Variants in ARHGAP24 observed in about 807,000 individuals in gnomAD.
The protein encoded by ARHGAP24 is Rho GTPase activating protein 24.
In ARHGAP24, 50 loss-of-function variants were observed where a neutral mutation model predicts 76.4. The observed-to-expected ratio is 0.65, with a 90% CI of 0.52 to 0.83. The LOEUF (loss-of-function observed/expected upper bound fraction) is 0.83, where lower values mean the gene tolerates loss of function less well. Among genes scored for constraint, ARHGAP24 ranks in the 40% least tolerant of loss-of-function variants. The pLI, the probability that ARHGAP24 is intolerant of heterozygous loss-of-function variation, is 0.00. For synonymous variants in ARHGAP24, 345 were observed against 323.3 expected, an observed-to-expected ratio of 1.07 and a Z score of -0.72; for missense variants, 930 against 914.2, an observed-to-expected ratio of 1.02 and a Z score of -0.22.
At chr4:85,688,768 G>T (rs1478913184) in intron 2 of ARHGAP24, among the ~76,000 whole-genome samples, 2 of 152,160 alleles carry the variant, frequency 1.3e-5, no homozygotes, top group African/African-American at 2.4e-5. Context: ...TGAAAGGAAG[G>T]GGTCCAGTTT....
At chr4:85,958,648 T>C (rs1360649600) in intron 5 of ARHGAP24, among the ~76,000 whole-genome samples, 4 of 152,212 alleles carry the variant, frequency 2.6e-5, no homozygotes, top group African/African-American at 7.2e-5. Context: ...TCCCTTAAAG[T>C]CATGTTTTTG....
chr4:85,700,403 A>T lies in ARHGAP24; in HGVS notation c.181-21482A>T, dbSNP rs531554688. 5.2e-3 allele frequency among the ~76,000 whole-genome samples: 445 copies of T among 84,992 alleles called. 8 individuals are homozygous for T. The highest frequency in any genetic ancestry group is 0.012 in the African/African-American group (429 of 35,026). The allele number at this position is 84,992 out of a possible 152,430, so 55.8% of individuals were successfully genotyped here. On this transcript the variant is annotated intron_variant, in intron 2 of 9. Transcript: ENST00000395184. ...AGAGTGAGATTCTGTCTAAAAAAAA[A>T]AAAATAAATAAATAAAGAAGAAGAA...
intron 1 of ARHGAP24, among the ~76,000 whole-genome samples, chr4:85,542,152 T>C (rs1002246366): frequency 6.6e-6 from 1 of 152,190 alleles, no homozygotes; most frequent in African/African-American, 2.4e-5. Context: ...TGGGGTGCAG[T>C]CCACTCTCCT....
intron 1 of ARHGAP24, among the ~76,000 whole-genome samples, chr4:85,510,730 T>C (rs1178419118): frequency 6.6e-6 from 1 of 151,418 alleles, no homozygotes; most frequent in African/African-American, 2.4e-5. Flanking sequence ...TTTATTTCCT[T>C]GTCACCTTCA....
chr4:85,569,589 C>T lies in ARHGAP24; in HGVS notation c.-20-933C>T, dbSNP rs181976366. On this transcript the variant is annotated intron_variant, in intron 1 of 9. Coordinates refer to ENST00000395184, the MANE Select transcript of ARHGAP24 (RefSeq NM_001025616.3). ...TCACACATAACCTTAAAATATTCCT[C>T]ATCATGTCATGACTGGTGCACACCA... Among the ~76,000 whole-genome samples, 151 of 152,300 alleles carry T rather than the reference C, an allele frequency of 9.9e-4. 2 individuals are homozygous for T. Among genetic ancestry groups the T allele is most frequent in the African/African-American group, 2.6e-3 (110 of 41,564 alleles).
chr4:85,968,547 G>A (rs946781495), intron 5 of ARHGAP24, among the ~76,000 whole-genome samples: 1 of 152,120 alleles, frequency 6.6e-6, no homozygotes, highest in African/African-American at 2.4e-5. Context: ...AGGCTAGAGA[G>A]TATGATTGAC....
intron 3 of ARHGAP24, among the ~76,000 whole-genome samples, chr4:85,848,332 C>T (rs1358573730): frequency 3.3e-5 from 5 of 152,126 alleles, no homozygotes; most frequent in African/African-American, 9.7e-5. Flanking sequence ...ATCCCTCTCC[C>T]ATCCCCCTAC....
At chr4:85,743,392 C>CAAAAAAAAAAAAAAAA (rs774717006) in intron 3 of ARHGAP24, among the ~76,000 whole-genome samples, 2 of 43,380 alleles carry the variant, frequency 4.6e-5, no homozygotes, top group African/African-American at 8.5e-5. Context: ...GATCCCATCT[C>CAAAAAAAAAAAAAAAA]AAAAAAAAAA....
At chr4:85,840,886 G>C (rs953310036) in intron 3 of ARHGAP24, among the ~76,000 whole-genome samples, 76 of 152,340 alleles carry the variant, frequency 5.0e-4, no homozygotes, top group African/African-American at 1.8e-3. Flanking sequence ...TAATTTATCA[G>C]ACGTGAAACT....
intron 1 of ARHGAP24, among the ~76,000 whole-genome samples, chr4:85,565,857 G>A (rs1223650024): frequency 2.6e-5 from 4 of 152,110 alleles, no homozygotes; most frequent in Non-Finnish European, 4.4e-5. Flanking sequence ...AAATATCTAT[G>A]TGTGTATGGT....
chr4:85,992,637 A>G (rs1325033040), intron 8 of ARHGAP24, among the ~76,000 whole-genome samples: 1 of 152,218 alleles, frequency 6.6e-6, no homozygotes, highest in Non-Finnish European at 1.5e-5. Flanking sequence ...ATAGTAAAAT[A>G]GCATTGAATA....
intron 2 of ARHGAP24, among the ~76,000 whole-genome samples, chr4:85,718,425 A>G (rs922938267): frequency 2.0e-5 from 3 of 152,200 alleles, no homozygotes; most frequent in African/African-American, 2.4e-5. Flanking sequence ...GAGAATTTAT[A>G]TGGTGTTAAC....
At chr4:85,638,543 A>G (rs187064359) in intron 2 of ARHGAP24, among the ~76,000 whole-genome samples, 214 of 152,262 alleles carry the variant, frequency 1.4e-3, no homozygotes, top group African/African-American at 5.1e-3. Flanking sequence ...GTCCATTGTA[A>G]TAACACAGGA....
At chr4:85,816,435 C>A (rs10029846) in intron 3 of ARHGAP24, among the ~76,000 whole-genome samples, 3 of 151,938 alleles carry the variant, frequency 2.0e-5, no homozygotes, top group African/African-American at 7.3e-5. Flanking sequence ...TAGCATAATG[C>A]CCCCAAGTTT....
chr4:85,869,908 A>C (rs574737420), intron 3 of ARHGAP24, among the ~76,000 whole-genome samples: 1 of 152,274 alleles, frequency 6.6e-6, no homozygotes, highest in East Asian at 1.9e-4. Flanking sequence ...AGCTTGGGCT[A>C]TGCATCCACA....
intron 3 of ARHGAP24, among the ~76,000 whole-genome samples, chr4:85,769,976 T>A (rs1727074191): frequency 6.6e-6 from 1 of 152,232 alleles, no homozygotes; most frequent in African/African-American, 2.4e-5. Flanking sequence ...TACTTATGTA[T>A]ATTGCTTTCC....
rs115851912 is a variant in ARHGAP24 at position 85,646,064 on chromosome 4, A to T, written c.180+75343A>T. On this transcript the variant is annotated intron_variant, in intron 2 of 9. Coordinates refer to ENST00000395184, the MANE Select transcript of ARHGAP24 (RefSeq NM_001025616.3). ...GTTGAAAATTTAACTACAAAATAACAAGAGTAAGTGTTTGTATATGTTATT... is the reference window on the plus strand; with the variant it reads ...GTTGAAAATTTAACTACAAAATAACTAGAGTAAGTGTTTGTATATGTTATT... Among the ~76,000 whole-genome samples the T allele has an allele frequency of 8.2e-4, 125 of 152,200 alleles. 1 individual carries two copies. The highest frequency in any genetic ancestry group is 2.5e-3 in the South Asian group (12 of 4,830).
At chr4:85,713,473 A>AT (rs1015778094) in intron 2 of ARHGAP24, among the ~76,000 whole-genome samples, 30 of 152,054 alleles carry the variant, frequency 2.0e-4, no homozygotes, top group African/African-American at 6.5e-4. Flanking sequence ...TAACAGTTTC[A>AT]TTTTTTTCTA....
At chr4:85,543,074 C>A (rs1010409521) in intron 1 of ARHGAP24, among the ~76,000 whole-genome samples, 1 of 152,038 alleles carries the variant, frequency 6.6e-6, no homozygotes, top group Non-Finnish European at 1.5e-5. Flanking sequence ...GAGGCAAGGA[C>A]GAGCACTGCA....
Sources: allele counts gnomAD v4.1 joint callset (sites outside exome capture counted in the v4.1 genomes callset), GRCh38; gene constraint gnomAD v4.1.1; transcripts MANE v1.5; gene names NCBI Gene and HGNC (gene_info 2026-07-23, HGNC 2026-07-21).